HABP4: variants seen among roughly 807,000 people sequenced by gnomAD.
The protein encoded by HABP4 is intracellular hyaluronan-binding protein 4.
In HABP4, 32 loss-of-function variants were observed where a neutral mutation model predicts 44.1. That is an observed-to-expected ratio of 0.73 (90% confidence interval 0.55 to 0.97). The LOEUF is 0.97. Among genes scored for constraint, HABP4 ranks in the 50% least tolerant of loss-of-function variants. HABP4 has a pLI of 0.00. For synonymous variants in HABP4, 216 were observed against 218.0 expected (o/e 0.99, Z 0.08); for missense variants, 503 against 561.9 (o/e 0.90, Z 1.06).
rs1258200897 is a variant in HABP4 at position 96,450,901 on chromosome 9, G to A, written c.349+273G>A. Among the ~76,000 whole-genome samples the A allele has an allele frequency of 6.6e-6, 1 of 152,234 alleles. No individual in the cohort carries two copies. The highest frequency in any genetic ancestry group is 1.5e-5 in the Non-Finnish European group (1 of 68,044). Reference sequence around the variant, plus strand: ...TACGGCAAGTTGGACGAAGTTGAGGGAGGTTGTCTGGGTGGCGTGTGGGGG... The same window carrying A: ...TACGGCAAGTTGGACGAAGTTGAGGAAGGTTGTCTGGGTGGCGTGTGGGGG... On this transcript the variant is annotated intron_variant, in intron 1 of 7. Transcript: ENST00000375249. This position sits in a 1 kb window ranked among gnomAD's most constrained non-coding sequence, Gnocchi z 4.8.
At chr9:96,487,385 T>C (rs1832993980) in intron 6 of HABP4, among the ~76,000 whole-genome samples, 1 of 152,206 alleles carries the variant, frequency 6.6e-6, no homozygotes. Flanking sequence ...TCAGATTTAA[T>C]TAATTTATTT....
At chr9:96,460,344 A>G (rs1832479459) in intron 2 of HABP4, among the ~76,000 whole-genome samples, 1 of 152,112 alleles carries the variant, frequency 6.6e-6, no homozygotes, top group South Asian at 2.1e-4. Context: ...TTGCTTTATC[A>G]TTCATCCCCC....
rs115374738 is a variant in HABP4, at chr9:96,484,769, G to A, written c.999+136G>A. The A allele has an allele frequency of 3.8e-3, 2,378 of 633,418 alleles. 20 individuals are homozygous for A. Among genetic ancestry groups the A allele is most frequent in the Middle Eastern group, 0.013 (47 of 3,552 alleles). 39.2% of individuals were successfully genotyped at this position (633,418 alleles called of 1,614,324 possible). ...TTGTTTCTAATCAGAGATGATGCAT[G>A]CCTAATTTTACTGTATTGTTCATTA... On this transcript the variant is annotated intron_variant, in intron 6 of 7. Transcript: ENST00000375249.
intron 5 of HABP4, among the ~76,000 whole-genome samples, chr9:96,482,783 A>T (rs7023852): frequency 0.024 from 3,678 of 152,276 alleles, 153 homozygotes; most frequent in African/African-American, 0.085. Flanking sequence ...TTTCACTTGC[A>T]TCATTTTTTC....
In HABP4 at chr9:96,484,941, A is replaced by G. The variant is rs1205819457; in HGVS notation, c.999+308A>G. 3.3e-5 allele frequency among the ~76,000 whole-genome samples: 5 copies of G among 151,992 alleles called. No individual in the cohort carries two copies. In the East Asian group the frequency reaches 9.6e-4, roughly 29 times the overall value. On this transcript the variant is annotated intron_variant, in intron 6 of 7. Coordinates refer to ENST00000375249, the MANE Select transcript of HABP4 (RefSeq NM_014282.4). ...CATTTTTCTCAAGGGAGAGTTACAG[A>G]TTGTGTCTTGTACAATTCAGAGTTA...
intron 5 of HABP4, among the ~76,000 whole-genome samples, chr9:96,479,214 G>A (rs1019024980): frequency 1.3e-5 from 2 of 152,028 alleles, no homozygotes; most frequent in Non-Finnish European, 2.9e-5. Context: ...TTCTAGTTCT[G>A]AGTAACATTG....
In HABP4 at chr9:96,488,692, G is replaced by T. The variant is rs952199640; in HGVS notation, c.1185+418G>T. ...AGGGGACCTTCCTCAACCCCTCCCCGGCTCACCTGCCTCACACCGTCCTCA... is the reference window on the plus strand; with the variant it reads ...AGGGGACCTTCCTCAACCCCTCCCCTGCTCACCTGCCTCACACCGTCCTCA... On this transcript the variant is annotated intron_variant, in intron 7 of 7. Transcript: ENST00000375249. The surrounding 1 kb of genome is among the most constrained non-coding windows in gnomAD (Gnocchi z 4.6). Among the ~76,000 whole-genome samples the T allele has an allele frequency of 6.6e-6, 1 of 152,046 alleles. No individual in the cohort carries two copies. Among genetic ancestry groups the T allele is most frequent in the Non-Finnish European group, 1.5e-5 (1 of 68,000 alleles).
At chr9:96,468,256 AT>A (rs768235429) in intron 4 of HABP4, among the ~76,000 whole-genome samples, 1,691 of 122,768 alleles carry the variant, frequency 0.014, 18 homozygotes, top group African/African-American at 0.029. Flanking sequence ...TACACCCAGC[AT>A]TTTTTTTTTT....
At chr9:96,469,559 A>T (rs940567581) in intron 4 of HABP4, among the ~76,000 whole-genome samples, 2 of 151,962 alleles carry the variant, frequency 1.3e-5, no homozygotes, top group Non-Finnish European at 1.5e-5. Flanking sequence ...TTTGAGACAG[A>T]GTCTCCAGGC....
chr9:96,450,159 C>T (rs1413737468), upstream of HABP4: 2 of 1,036,278 alleles, frequency 1.9e-6, no homozygotes, highest in Non-Finnish European at 2.4e-6. The surrounding 1 kb of genome is among the most constrained non-coding windows in gnomAD (Gnocchi z 4.8). Flanking sequence ...CGGTAGGGGC[C>T]GGACAGGGTA....
At position 96,450,420 on chromosome 9, in the gene HABP4, C is replaced by T; in HGVS notation, c.141C>T (p.Arg47=). ...TCGACATCCTGCGCGAGGCCGAGCGCCGGCGCCAGCAGCAGCTGCAGCGCA... is the reference window on the plus strand; with the variant it reads ...TCGACATCCTGCGCGAGGCCGAGCGTCGGCGCCAGCAGCAGCTGCAGCGCA... ...DPFDILREAE[R]RRQQQLQRKR... The change falls in exon 1 of 8, where the codon CGC becomes CGT. Residue 47 remains arginine, a synonymous_variant. Coordinates refer to ENST00000375249, the MANE Select transcript of HABP4 (RefSeq NM_014282.4). This position sits in a 1 kb window ranked among gnomAD's most constrained non-coding sequence, Gnocchi z 4.8. 7.4e-7 allele frequency: 1 copy of T among 1,356,064 alleles called. No homozygotes were observed. Among genetic ancestry groups the T allele is most frequent in the Admixed American group, 2.7e-5 (1 of 36,784 alleles). 84.0% of individuals were successfully genotyped at this position (1,356,064 alleles called of 1,614,324 possible).
chr9:96,454,182 A>G (rs1832333582), intron 1 of HABP4, among the ~76,000 whole-genome samples: 1 of 152,222 alleles, frequency 6.6e-6, no homozygotes, highest in South Asian at 2.1e-4. Context: ...GAAAGGTGGG[A>G]TAAGCACCTA....
At position 96,489,929 on chromosome 9, in the gene HABP4, T is replaced by G. The variant is rs1180360911; in HGVS notation, c.1186-53T>G. 4.6e-6 allele frequency: 5 copies of G among 1,085,574 alleles called. No homozygotes were observed. The East Asian group carries it at 1.2e-4, about 26-fold the overall frequency. The allele number at this position is 1,085,574 out of a possible 1,614,324, so 67.2% of individuals were successfully genotyped here. A position where few individuals can be genotyped will look rare whatever the true frequency, so the allele number is the denominator to read the frequency against. On this transcript the variant is annotated intron_variant, in intron 7 of 7. Transcript: ENST00000375249. ...AGGCCCTTGTTATCCCACTGGGATA[T>G]CGGGAATGGATGAAGGGGCAGTGGA...
chr9:96,469,163 A>T (rs1187797127), intron 4 of HABP4, among the ~76,000 whole-genome samples: 1 of 152,238 alleles, frequency 6.6e-6, no homozygotes, highest in African/African-American at 2.4e-5. Context: ...TCTGTGCTGA[A>T]ATAGAATTTT....
chr9:96,457,610 G>A (rs1373347379), intron 1 of HABP4, among the ~76,000 whole-genome samples: 1 of 152,252 alleles, frequency 6.6e-6, no homozygotes, highest in South Asian at 2.1e-4. Context: ...GCTCATGCCT[G>A]TAATCCCAGT....
At chr9:96,477,146 A>C (rs554048436) in intron 5 of HABP4, among the ~76,000 whole-genome samples, 2 of 152,212 alleles carry the variant, frequency 1.3e-5, no homozygotes, top group South Asian at 4.1e-4. Flanking sequence ...TGTAAAATCT[A>C]TTCTTTCTAG....
chr9:96,486,798 C>T (rs111319131), intron 6 of HABP4, among the ~76,000 whole-genome samples: 9 of 151,998 alleles, frequency 5.9e-5, no homozygotes, highest in Non-Finnish European at 1.0e-4. Flanking sequence ...AGGCACTGGG[C>T]GGTGAAAGCA....
In HABP4 at chr9:96,488,412, A is replaced by G; in HGVS notation, c.1185+138A>G. The G allele has an allele frequency of 1.6e-6, 1 of 614,604 alleles. No individual in the cohort carries two copies. Among genetic ancestry groups the G allele is most frequent in the Admixed American group, 3.0e-5 (1 of 33,692 alleles). 38.1% of individuals were successfully genotyped at this position (614,604 alleles called of 1,614,324 possible). ...GCTAGTGTGGGACTGATGTTGGGGCATTTGGACGGTGTTGTAGCATCATGG... is the reference window on the plus strand; with the variant it reads ...GCTAGTGTGGGACTGATGTTGGGGCGTTTGGACGGTGTTGTAGCATCATGG... On this transcript the variant is annotated intron_variant, in intron 7 of 7. Transcript: ENST00000375249. This position sits in a 1 kb window ranked among gnomAD's most constrained non-coding sequence, Gnocchi z 4.6.
Position 96,465,408 on chromosome 9 carries a change from G to T in HABP4, c.584G>T (p.Arg195Ile). 1 of 1,610,474 alleles carries T rather than the reference G, an allele frequency of 6.2e-7. No homozygotes were observed. Among genetic ancestry groups the T allele is most frequent in the Non-Finnish European group, 8.5e-7 (1 of 1,176,608 alleles). ...GGCCCGAGAGGGGGTATGCGCGGCAGAGGCAGAGGTGGCCCTGGGAACAGA... is the reference window on the plus strand; with the variant it reads ...GGCCCGAGAGGGGGTATGCGCGGCATAGGCAGAGGTGGCCCTGGGAACAGA... Reference protein sequence around the residue: ...RGGPRGGMRGRGRGGPGNRVF... With the variant: ...RGGPRGGMRGIGRGGPGNRVF... The change falls in exon 3 of 8, where the codon AGA becomes ATA. Residue 195 changes from arginine (R) to isoleucine (I), a missense_variant. Coordinates refer to ENST00000375249, the MANE Select transcript of HABP4 (RefSeq NM_014282.4).
Sources: gnomAD v4.1 joint callset for allele counts (sites outside exome capture counted in the v4.1 genomes callset) on GRCh38, gnomAD v4.1.1 for gene constraint, Gnocchi (gnomAD v3.1) non-coding constraint, MANE v1.5 for transcripts, NCBI Gene and HGNC (gene_info 2026-07-23, HGNC 2026-07-21) for gene names.